SLC28A3: variants seen among roughly 807,000 people sequenced by gnomAD.
The protein encoded by SLC28A3 is concentrative Na(+)-nucleoside cotransporter 3.
In SLC28A3, 68 loss-of-function variants were observed where a neutral mutation model predicts 84.2. The ratio of observed to expected loss-of-function variants is 0.81; its 90% confidence interval spans 0.66 to 0.99. SLC28A3 has a LOEUF of 0.99. Among genes scored for constraint, SLC28A3 ranks in the 50% least tolerant of loss-of-function variants. The pLI, the probability that SLC28A3 is intolerant of heterozygous loss-of-function variation, is 0.00. For missense variants in SLC28A3, 712 were observed against 841.5 expected (o/e 0.85, Z 1.90); for synonymous variants, 267 against 303.6 (o/e 0.88, Z 1.25).
chr9:84,295,980 G>C (rs560519121), intron 8 of SLC28A3, among the ~76,000 whole-genome samples: 1 of 152,310 alleles, frequency 6.6e-6, no homozygotes, highest in South Asian at 2.1e-4. Context: ...GAAAGCTTGA[G>C]GGAGTTAAAG....
intron 1 of SLC28A3, among the ~76,000 whole-genome samples, chr9:84,326,964 T>C (rs1826583348): frequency 6.6e-6 from 1 of 152,084 alleles, no homozygotes; most frequent in Admixed American, 6.6e-5. Context: ...AGATAGATCA[T>C]GCCACTGCAC....
At chr9:84,341,193 A>C (rs1827150606), upstream of SLC28A3, among the ~76,000 whole-genome samples, 1 of 150,726 alleles carries the variant, frequency 6.6e-6, no homozygotes, top group African/African-American at 2.4e-5. Flanking sequence ...CTGTTCTTGA[A>C]CTCCTGACCT....
chr9:84,278,201 T>G lies in SLC28A3; in HGVS notation c.*17A>C, dbSNP rs1564141330. The G allele has an allele frequency of 6.2e-7, 1 of 1,612,170 alleles. No homozygotes were observed. The highest frequency in any genetic ancestry group is 8.5e-7 in the Non-Finnish European group (1 of 1,178,872). ...CAGCATCTGTACTTCAGAGTTCCAC[T>G]GGAGAAGTGGCTGACCTCAAAATGT... is the stretch of plus-strand genomic sequence containing the variant. On this transcript the variant is annotated 3_prime_UTR_variant, in exon 18 of 18. Transcript: ENST00000376238.
At chr9:84,355,639 A>G in the SLC28A3 span, among the ~76,000 whole-genome samples, 1 of 151,742 alleles carries the variant, frequency 6.6e-6, no homozygotes, top group Non-Finnish European at 1.5e-5. Context: ...TAATTCCCCT[A>G]TTTCTAGATT....
chr9:84,356,427 G>T, the SLC28A3 span, among the ~76,000 whole-genome samples: 158 of 152,302 alleles, frequency 1.0e-3, 2 homozygotes, highest in East Asian at 0.018. Flanking sequence ...GGGCAGGAAG[G>T]TATTGTTCAG....
the SLC28A3 span, among the ~76,000 whole-genome samples, chr9:84,357,369 A>C: frequency 3.9e-5 from 6 of 152,222 alleles, no homozygotes; most frequent in African/African-American, 1.4e-4. Flanking sequence ...CGGCTGTCAA[A>C]AGCTTGGGAG....
chr9:84,288,544 T>C (rs1326564310), intron 11 of SLC28A3, among the ~76,000 whole-genome samples: 4 of 149,760 alleles, frequency 2.7e-5, no homozygotes, highest in Non-Finnish European at 5.9e-5. Context: ...AAAGCATGTA[T>C]GTCATTACAA....
At chr9:84,305,219 AGAC>A in intron 4 of SLC28A3, 32 bp downstream of exon 4, 1 of 1,438,962 alleles carries the variant, frequency 6.9e-7, no homozygotes, top group Non-Finnish European at 9.5e-7. Context: ...AAAAAAAAAA[AGAC>A]AGTGGTATCC....
At chr9:84,301,487 T>C (rs1825636800) in intron 5 of SLC28A3, among the ~76,000 whole-genome samples, 2 of 151,534 alleles carry the variant, frequency 1.3e-5, no homozygotes, top group South Asian at 4.2e-4. Flanking sequence ...ATTGGAAGAA[T>C]GATGAATGAA....
chr9:84,330,039 T>A (rs1826718042), intron 1 of SLC28A3, among the ~76,000 whole-genome samples: 1 of 151,602 alleles, frequency 6.6e-6, no homozygotes, highest in Non-Finnish European at 1.5e-5. Flanking sequence ...AACAACAAAC[T>A]AAATCCAAAG....
intron 1 of SLC28A3, among the ~76,000 whole-genome samples, chr9:84,315,134 T>C (rs1368215004): frequency 6.6e-6 from 1 of 152,178 alleles, no homozygotes; most frequent in Admixed American, 6.5e-5. Flanking sequence ...TATGGGAAGA[T>C]GACAGAATGT....
Position 84,294,183 on chromosome 9 carries a change from C to A in SLC28A3, c.942+12G>T, listed in dbSNP as rs749389318. On this transcript the variant is annotated intron_variant, in intron 9 of 17. Transcript: ENST00000376238. The stretch of plus-strand genomic sequence containing the variant: ...TCTACACCTATAACCCAGTCCCTCC[C>A]AGCCCCAGTACCTTTCTAATAATCC... 6.2e-7 allele frequency: 1 copy of A among 1,613,592 alleles called. No individual in the cohort carries two copies. Among genetic ancestry groups the A allele is most frequent in the South Asian group, 1.1e-5 (1 of 91,002 alleles).
At chr9:84,351,704 A>T in the SLC28A3 span, among the ~76,000 whole-genome samples, 1 of 151,692 alleles carries the variant, frequency 6.6e-6, no homozygotes, top group African/African-American at 2.4e-5. Flanking sequence ...AAAAAAAAAG[A>T]CAACGTAGGG....
At chr9:84,328,825 G>A (rs1826672233) in intron 1 of SLC28A3, among the ~76,000 whole-genome samples, 1 of 152,110 alleles carries the variant, frequency 6.6e-6, no homozygotes, top group South Asian at 2.1e-4. Flanking sequence ...CTACTCAGGA[G>A]GCTGAGGTGA....
At chr9:84,336,066 T>TA (rs562485054) in intron 1 of SLC28A3, among the ~76,000 whole-genome samples, 5,938 of 120,414 alleles carry the variant, frequency 0.049, 381 homozygotes, top group African/African-American at 0.17. Flanking sequence ...AAAGTAATAT[T>TA]AAAAAAAAAA....
chr9:84,314,430 G>A (rs1826097835), intron 1 of SLC28A3, among the ~76,000 whole-genome samples: 1 of 152,102 alleles, frequency 6.6e-6, no homozygotes, highest in Admixed American at 6.6e-5. Flanking sequence ...ATGGTGTCAG[G>A]AAATGCCTTC....
In SLC28A3 at chr9:84,305,241, C is replaced by T; in HGVS notation, c.334+13G>A. On this transcript the variant is annotated intron_variant, in intron 4 of 17. Transcript: ENST00000376238. Reference sequence around the variant, plus strand: ...AAAAGACAGTGGTATCCCTAACCATCTTTGTTATTTACCTGCTAATAAAAT... The same window carrying T: ...AAAAGACAGTGGTATCCCTAACCATTTTTGTTATTTACCTGCTAATAAAAT... 6.4e-7 allele frequency: 1 copy of T among 1,563,328 alleles called. No homozygotes were observed. The highest frequency in any genetic ancestry group is 8.7e-7 in the Non-Finnish European group (1 of 1,143,116).
chr9:84,298,235 C>A (rs1368790879), intron 6 of SLC28A3, among the ~76,000 whole-genome samples: 1 of 152,184 alleles, frequency 6.6e-6, no homozygotes, highest in Non-Finnish European at 1.5e-5. Flanking sequence ...GCCTGTAATC[C>A]TAGCACTTTG....
chr9:84,320,046 T>TTTTG lies in SLC28A3; in HGVS notation c.61-6593_61-6592insCAAA, dbSNP rs1554728746. 1.3e-3 allele frequency among the ~76,000 whole-genome samples: 162 copies of TTTTG among 122,366 alleles called. 5 individuals carry two copies. Among genetic ancestry groups the TTTTG allele is most frequent in the African/African-American group, 5.6e-3 (155 of 27,766 alleles). 80.3% of individuals were successfully genotyped at this position (122,366 alleles called of 152,430 possible). On this transcript the variant is annotated intron_variant, in intron 1 of 17. Transcript: ENST00000376238. ...TTCCAGCCTGGCTTGCACTGTTTTT[T>TTTTG]TTTTTTTTTTTTTTTTTTTTTGAGA... is the stretch of plus-strand genomic sequence containing the variant.
Sources: allele counts gnomAD v4.1 joint callset (sites outside exome capture counted in the v4.1 genomes callset), GRCh38; gene constraint gnomAD v4.1.1; transcripts MANE v1.5; gene names NCBI Gene and HGNC (gene_info 2026-07-23, HGNC 2026-07-21).